The following PALS1 variants were observed in gnomAD, a reference collection of about 807,000 sequenced individuals.
PALS1 encodes the protein protein PALS1.
In PALS1, 31 loss-of-function variants were observed where a neutral mutation model predicts 78.9. The observed-to-expected ratio is 0.39, with a 90% confidence interval of 0.30 to 0.53. The LOEUF is 0.53. Among genes scored for constraint, PALS1 ranks in the 20% least tolerant of loss-of-function variants. The probability of loss-of-function intolerance (pLI) is 0.67; values close to 1 mark genes in which losing one functional copy is unlikely to be tolerated. For missense variants in PALS1, 704 were observed against 826.5 expected (o/e 0.85, Z 1.82); for synonymous variants, 276 against 270.9 (o/e 1.02, Z -0.18).
intron 3 of PALS1, among the ~76,000 whole-genome samples, chr14:67,281,727 A>T (rs1176713107): frequency 6.6e-6 from 1 of 152,098 alleles, no homozygotes; most frequent in Admixed American, 6.5e-5. Context: ...CTTCAGCCGG[A>T]TTCACTTAGT....
chr14:67,284,076 A>G (rs1358783521), intron 3 of PALS1, among the ~76,000 whole-genome samples: 1 of 152,220 alleles, frequency 6.6e-6, no homozygotes, highest in Non-Finnish European at 1.5e-5. Context: ...TGAGGACCAA[A>G]TGAAAAAAGC....
At chr14:67,242,903 A>C (rs555123211) in intron 1 of PALS1, among the ~76,000 whole-genome samples, 1 of 152,320 alleles carries the variant, frequency 6.6e-6, no homozygotes, top group African/African-American at 2.4e-5. Context: ...GGGAGAGAAT[A>C]TATAAGTTCT....
chr14:67,248,269 C>G (rs764501376), intron 1 of PALS1, among the ~76,000 whole-genome samples: 7 of 151,780 alleles, frequency 4.6e-5, no homozygotes, highest in African/African-American at 9.7e-5. Context: ...GCCTGTAGCC[C>G]CAGCCAATTG....
chr14:67,279,373 G>A lies in PALS1; in HGVS notation c.203G>A (p.Arg68His), dbSNP rs778846917. The A allele has an allele frequency of 1.2e-5, 19 of 1,613,750 alleles. No homozygotes were observed. The highest frequency in any genetic ancestry group is 1.6e-4 in the Middle Eastern group (1 of 6,080). The change falls in exon 3 of 15, where the codon CGT becomes CAT. Residue 68 changes from arginine to histidine, a missense_variant. Physicochemically the swap from Arg to His is conservative, Grantham distance 29. Coordinates refer to ENST00000261681, the MANE Select transcript of PALS1 (RefSeq NM_022474.4). ...CGGCAACAACAGGAGGACATGAGGC[G>A]TAGGAGAGAGGAAGAAGGGAAAAAG... Reference protein sequence around the residue: ...RIRQQQEDMRRRREEEGKKQE... With the variant: ...RIRQQQEDMRHRREEEGKKQE...
At chr14:67,248,848 T>TG (rs149785836) in intron 1 of PALS1, among the ~76,000 whole-genome samples, 9,448 of 152,168 alleles carry the variant, frequency 0.062, 664 homozygotes, top group African/African-American at 0.17. Flanking sequence ...GAGATAGAGA[T>TG]GGGGTCTCAC....
intron 14 of PALS1, among the ~76,000 whole-genome samples, chr14:67,324,895 T>C (rs1296511917): frequency 6.9e-6 from 1 of 144,950 alleles, no homozygotes; most frequent in Non-Finnish European, 1.5e-5. Context: ...AGCCTTCCTT[T>C]CATTTTTTTT....
Position 67,254,722 on chromosome 14 carries a change from C to T in PALS1, c.-237+13189C>T, listed in dbSNP as rs1304298004. On this transcript the variant is annotated intron_variant, in intron 1 of 14. Coordinates refer to ENST00000261681, the MANE Select transcript of PALS1 (RefSeq NM_022474.4). ...TTCAGTGACAAGCAAACTATCCCCC[C>T]ACCTGCCTTTAATGGCCAGTGTTTT... Among the ~76,000 whole-genome samples the T allele has an allele frequency of 2.0e-5, 3 of 152,196 alleles. No homozygotes were observed. The East Asian group carries it at 5.8e-4, about 29-fold the overall frequency.
intron 4 of PALS1, among the ~76,000 whole-genome samples, chr14:67,296,739 A>C (rs17093616): frequency 0.15 from 23,522 of 152,112 alleles, 3,426 homozygotes; most frequent in East Asian, 0.42. Flanking sequence ...AGAAAACCAT[A>C]TGATCTTTGT....
chr14:67,310,289 G>A (rs965315321), intron 8 of PALS1, among the ~76,000 whole-genome samples: 3 of 151,956 alleles, frequency 2.0e-5, no homozygotes, highest in Admixed American at 2.0e-4. Context: ...GTTCTTTAGG[G>A]CACTTTGCAT....
chr14:67,300,680 A>G (rs1363240477), intron 4 of PALS1, among the ~76,000 whole-genome samples: 2 of 152,116 alleles, frequency 1.3e-5, no homozygotes, highest in Non-Finnish European at 2.9e-5. Flanking sequence ...AGTAGGTGCC[A>G]TTCTAAAGAT....
chr14:67,314,178 T>G (rs2085134818), intron 9 of PALS1, among the ~76,000 whole-genome samples: 1 of 150,352 alleles, frequency 6.7e-6, no homozygotes, highest in Non-Finnish European at 1.5e-5. Context: ...AGCAATAGTT[T>G]AGGGGAAAAG....
At chr14:67,288,474 T>C (rs1438591296) in intron 3 of PALS1, among the ~76,000 whole-genome samples, 1 of 152,170 alleles carries the variant, frequency 6.6e-6, no homozygotes, top group Non-Finnish European at 1.5e-5. Flanking sequence ...GGAAGATTTC[T>C]TGACGCCAGG....
chr14:67,289,388 T>C (rs1207349944), intron 3 of PALS1, among the ~76,000 whole-genome samples: 2 of 152,178 alleles, frequency 1.3e-5, no homozygotes, highest in African/African-American at 2.4e-5. Flanking sequence ...CTAGAGCTGA[T>C]TTTAGGTAAC....
chr14:67,299,508 GA>G (rs2084903209), intron 4 of PALS1, among the ~76,000 whole-genome samples: 1 of 152,030 alleles, frequency 6.6e-6, no homozygotes, highest in African/African-American at 2.4e-5. Flanking sequence ...GCCTCTGAAG[GA>G]AAACAAGGAA....
intron 1 of PALS1, among the ~76,000 whole-genome samples, chr14:67,243,412 T>C (rs2140393460): frequency 6.6e-6 from 1 of 151,474 alleles, no homozygotes; most frequent in African/African-American, 2.4e-5. Context: ...GGCCTCGAAC[T>C]CCTGACCTCA....
rs146025005 is a variant in PALS1 at position 67,284,008 on chromosome 14, C to T, written c.367+4471C>T. 8.5e-5 allele frequency among the ~76,000 whole-genome samples: 13 copies of T among 152,136 alleles called. No homozygotes were observed. In the East Asian group the frequency reaches 2.1e-3, roughly 25 times the overall value. On this transcript the variant is annotated intron_variant, in intron 3 of 14. Coordinates refer to ENST00000261681, the MANE Select transcript of PALS1 (RefSeq NM_022474.4). ...AATACTTTTTAATGTCACTAAATTG[C>T]GCTATTGACTTTGGGCATGTTACTC...
At chr14:67,296,776 C>T (rs2084860383) in intron 4 of PALS1, among the ~76,000 whole-genome samples, 1 of 151,850 alleles carries the variant, frequency 6.6e-6, no homozygotes, top group Non-Finnish European at 1.5e-5. Context: ...GCTCTGTCAC[C>T]CAGGCTGCTG....
intron 1 of PALS1, among the ~76,000 whole-genome samples, chr14:67,264,694 G>T (rs2084291804): frequency 6.6e-6 from 1 of 151,778 alleles, no homozygotes; most frequent in Admixed American, 6.6e-5. Flanking sequence ...TGTTTTTTTC[G>T]AGCTCTTTTG....
intron 14 of PALS1, among the ~76,000 whole-genome samples, chr14:67,330,072 A>G (rs568235715): frequency 0.031 from 4,596 of 150,610 alleles, 89 homozygotes; most frequent in Non-Finnish European, 0.036. Context: ...GAGAGAATAT[A>G]TGCCAGACAA....
Sources: allele counts gnomAD v4.1 joint callset (sites outside exome capture counted in the v4.1 genomes callset), GRCh38; gene constraint gnomAD v4.1.1; transcripts MANE v1.5; gene names NCBI Gene and HGNC (gene_info 2026-07-23, HGNC 2026-07-21).